DNAH8: variants seen among roughly 807,000 people sequenced by gnomAD.
DNAH8 encodes the protein dynein axonemal heavy chain 8.
In DNAH8, 382 loss-of-function variants were observed where a neutral mutation model predicts 562.1. The ratio of observed to expected loss-of-function variants is 0.68; its 90% confidence interval spans 0.63 to 0.74. The LOEUF (loss-of-function observed/expected upper bound fraction) is 0.74, where lower values mean the gene tolerates loss of function less well. Among genes scored for constraint, DNAH8 ranks in the 30% least tolerant of loss-of-function variants. DNAH8 has a pLI of 0.00. For missense variants in DNAH8, 5,203 were observed against 5,620.4 expected, an observed-to-expected ratio of 0.93 and a Z score of 2.37; for synonymous variants, 1,881 against 1,919.4, an observed-to-expected ratio of 0.98 and a Z score of 0.52.
chr6:38,931,073 C>A lies in DNAH8; in HGVS notation c.11275-738C>A, dbSNP rs533467407. ...AAGGAGGTTATAGAATCTCTATTCC[C>A]GAAGGTCTTTTAAAAGATCCTAGAT... On this transcript the variant is annotated intron_variant, in intron 75 of 92. Transcript: ENST00000327475. 2.6e-5 allele frequency among the ~76,000 whole-genome samples: 4 copies of A among 152,108 alleles called. No individual in the cohort carries two copies. The South Asian group carries it at 8.3e-4, about 32-fold the overall frequency.
chr6:38,926,369 A>T (rs1782123245), intron 74 of DNAH8, among the ~76,000 whole-genome samples, 159 bp downstream of exon 74: 1 of 152,008 alleles, frequency 6.6e-6, no homozygotes, highest in African/African-American at 2.4e-5. Context: ...AACAGCTCTG[A>T]TTCTTTTCTC....
At chr6:38,817,172 G>A (rs12191936) in intron 26 of DNAH8, among the ~76,000 whole-genome samples, 28,813 of 152,038 alleles carry the variant, frequency 0.19, 3,151 homozygotes, top group Middle Eastern at 0.23. Context: ...GCAAAACACT[G>A]TCTCTACTGA....
rs567555666 is a variant in DNAH8, at chr6:38,868,302, A to G, written c.6828+106A>G. The G allele has an allele frequency of 6.6e-5, 74 of 1,125,046 alleles. 2 individuals are homozygous for G. The highest frequency in any genetic ancestry group is 6.3e-4 in the South Asian group (40 of 63,646). The allele number at this position is 1,125,046 out of a possible 1,614,324, so 69.7% of individuals were successfully genotyped here. A position where few individuals can be genotyped will look rare whatever the true frequency, so the allele number is the denominator to read the frequency against. On this transcript the variant is annotated intron_variant, in intron 48 of 92. Coordinates refer to ENST00000327475, the MANE Select transcript of DNAH8 (RefSeq NM_001206927.2). Reference sequence around the variant, plus strand: ...TGTTGAGCTGTGAGCACCCATAATTACAGGGATAATAAGTGTGCAAAGCTA... The same window carrying G: ...TGTTGAGCTGTGAGCACCCATAATTGCAGGGATAATAAGTGTGCAAAGCTA...
At chr6:38,931,074 G>A (rs546936403) in intron 75 of DNAH8, among the ~76,000 whole-genome samples, 14 of 152,126 alleles carry the variant, frequency 9.2e-5, no homozygotes, top group Admixed American at 2.0e-4. Context: ...CTCTATTCCC[G>A]AAGGTCTTTT....
intron 21 of DNAH8, among the ~76,000 whole-genome samples, chr6:38,798,167 T>G (rs1042926958): frequency 5.3e-5 from 8 of 151,986 alleles, no homozygotes; most frequent in Non-Finnish European, 8.8e-5. Context: ...TGACTGCTAA[T>G]GGGTATAGGG....
intron 41 of DNAH8, among the ~76,000 whole-genome samples, chr6:38,854,928 T>C (rs944842920): frequency 1.3e-5 from 2 of 148,786 alleles, no homozygotes; most frequent in African/African-American, 2.4e-5. Context: ...ACAATGTATA[T>C]AATACATATT....
intron 16 of DNAH8, 93 bp downstream of exon 16, chr6:38,781,466 G>A (rs1264601374): frequency 1.8e-5 from 25 of 1,405,338 alleles, no homozygotes; most frequent in South Asian, 2.9e-5. Context: ...CATTAAAGTA[G>A]CCAACAACGA....
At chr6:38,841,276 G>A (rs1269172302) in intron 33 of DNAH8, among the ~76,000 whole-genome samples, 3 of 152,050 alleles carry the variant, frequency 2.0e-5, no homozygotes, top group South Asian at 2.1e-4. Flanking sequence ...AAAATTAGCC[G>A]GGCGTGGTGG....
chr6:38,815,765 A>G (rs530887335), intron 26 of DNAH8, 108 bp downstream of exon 26: 1 of 1,081,670 alleles, frequency 9.2e-7, no homozygotes, highest in Admixed American at 2.9e-5. Flanking sequence ...TTTAAAAAAT[A>G]GTATGTTTCA....
intron 69 of DNAH8, 139 bp downstream of exon 69, chr6:38,917,545 T>C: frequency 1.4e-6 from 1 of 727,186 alleles, no homozygotes; most frequent in South Asian, 2.1e-5. Context: ...CTCCATCACC[T>C]AAAATGTAAA....
intron 20 of DNAH8, among the ~76,000 whole-genome samples, chr6:38,790,907 G>GA (rs1318109245): frequency 6.6e-6 from 1 of 151,850 alleles, no homozygotes; most frequent in Non-Finnish European, 1.5e-5. Context: ...TCTTATCCCT[G>GA]AATTACCTTG....
At chr6:38,985,485 A>C (rs1764316819) in intron 87 of DNAH8, among the ~76,000 whole-genome samples, 1 of 152,148 alleles carries the variant, frequency 6.6e-6, no homozygotes, top group South Asian at 2.1e-4. Flanking sequence ...TTTAACCTTT[A>C]CTTGTTTTAG....
rs76497721 is a variant in DNAH8, at chr6:38,912,231, C to G, written c.9859+645C>G. On this transcript the variant is annotated intron_variant, in intron 66 of 92. Transcript: ENST00000327475. ...GTAATTCCACACTTTGAGAGGCCAA[C>G]GCAAGCGGATCACTTGAGCCCAGGA... Among the ~76,000 whole-genome samples, 1,787 of 152,180 alleles carry G rather than the reference C, an allele frequency of 0.012. 93 individuals are homozygous for G. The East Asian group carries it at 0.15, about 13-fold the overall frequency.
At chr6:38,717,618 G>A (rs142259500) in intron 1 of DNAH8, among the ~76,000 whole-genome samples, 3 of 144,470 alleles carry the variant, frequency 2.1e-5, no homozygotes, top group Non-Finnish European at 4.5e-5. Flanking sequence ...CAACTAAAAT[G>A]TACACATGAT....
chr6:38,932,141 C>A, intron 76 of DNAH8, 148 bp downstream of exon 76: 1 of 459,870 alleles, frequency 2.2e-6, no homozygotes, highest in Non-Finnish European at 3.7e-6. Flanking sequence ...AGCCTTAATT[C>A]CTGTCAAGAA....
At chr6:38,748,303 G>T (rs1417037699) in intron 8 of DNAH8, among the ~76,000 whole-genome samples, 1 of 152,086 alleles carries the variant, frequency 6.6e-6, no homozygotes, top group Non-Finnish European at 1.5e-5. Flanking sequence ...AGCAAATGTG[G>T]TAGCAAATCT....
chr6:38,790,817 C>T (rs145266837), intron 20 of DNAH8, among the ~76,000 whole-genome samples: 3,887 of 150,066 alleles, frequency 0.026, 163 homozygotes, highest in African/African-American at 0.087. Context: ...GGCAAGACTC[C>T]GTCTAAAAAA....
At chr6:38,868,230 T>C in intron 48 of DNAH8, 34 bp downstream of exon 48, 1 of 1,576,788 alleles carries the variant, frequency 6.3e-7, no homozygotes, top group Admixed American at 1.8e-5. Flanking sequence ...TTTCCACAAT[T>C]TTAATATTGT....
chr6:38,826,174 T>C lies in DNAH8; in HGVS notation c.3866T>C (p.Leu1289Ser), dbSNP rs1773301897. The C allele has an allele frequency of 1.9e-6, 3 of 1,605,590 alleles. No individual in the cohort carries two copies. Among genetic ancestry groups the C allele is most frequent in the African/African-American group, 1.3e-5 (1 of 74,590 alleles). The change falls in exon 29 of 93, where the codon TTA (leucine) becomes TCA (serine). Residue 1289 changes from leucine to serine, a missense_variant. Coordinates refer to ENST00000327475, the MANE Select transcript of DNAH8 (RefSeq NM_001206927.2). ...TCATCAGAGCCGATGAAATTGGCCT[T>C]ATCCATCGAGGCCAAGGCATGGAAG... is the stretch of plus-strand genomic sequence containing the variant. ...ELHTEPMKLA[L>S]SIEAKAWKML...
Sources: allele counts gnomAD v4.1 joint callset (sites outside exome capture counted in the v4.1 genomes callset), GRCh38; gene constraint gnomAD v4.1.1; transcripts MANE v1.5; gene names NCBI Gene and HGNC (gene_info 2026-07-23, HGNC 2026-07-21).